The following SMAD2 variants were observed in gnomAD, a reference collection of about 807,000 sequenced individuals.
SMAD2 encodes the protein SMAD family member 2, also known as MAD homolog 2.
In SMAD2, 8 loss-of-function variants were observed where a neutral mutation model predicts 64.4. The observed-to-expected ratio is 0.12, with a 90% CI of 0.07 to 0.22. The LOEUF (loss-of-function observed/expected upper bound fraction) is 0.22. Among genes scored for constraint, SMAD2 ranks in the 10% least tolerant of loss-of-function variants. The probability of loss-of-function intolerance (pLI) is 1.00; values close to 1 mark genes in which losing one functional copy is unlikely to be tolerated. For missense variants in SMAD2, 289 were observed against 561.2 expected, an observed-to-expected ratio of 0.51 and a Z score of 4.90; for synonymous variants, 203 against 195.8, an observed-to-expected ratio of 1.04 and a Z score of -0.31.
At position 47,880,114 on chromosome 18, in the gene SMAD2, T is replaced by C. The variant is rs555955528; in HGVS notation, c.237-9550A>G. 3.3e-5 allele frequency among the ~76,000 whole-genome samples: 5 copies of C among 152,330 alleles called. No homozygotes were observed. In the East Asian group the frequency reaches 5.8e-4, roughly 18 times the overall value. ...AAATATTTTCTCCCACTCTGACTTA[T>C]TTTTTAACAATGTATTTTAATAATA... On this transcript the variant is annotated intron_variant, in intron 2 of 10. Transcript: ENST00000262160.
chr18:47,848,098 T>C (rs1914701907), intron 8 of SMAD2, among the ~76,000 whole-genome samples: 2 of 151,814 alleles, frequency 1.3e-5, no homozygotes, highest in South Asian at 2.1e-4. Context: ...CTGGGAGCTA[T>C]ATAAAGAAAC....
chr18:47,904,830 C>A (rs1214513060), intron 1 of SMAD2, among the ~76,000 whole-genome samples: 1 of 152,168 alleles, frequency 6.6e-6, no homozygotes, highest in Non-Finnish European at 1.5e-5. Context: ...CAACACTCAT[C>A]TATAATTTAA....
chr18:47,885,197 C>A (rs28683114), intron 2 of SMAD2, among the ~76,000 whole-genome samples: 2,211 of 149,216 alleles, frequency 0.015, 69 homozygotes, highest in African/African-American at 0.052. Flanking sequence ...ACCCTCCCCC[C>A]CCAAGACAGT....
chr18:47,832,904 G>C lies in SMAD2; in HGVS notation c.*8923C>G, dbSNP rs1226036997. On this transcript the variant is annotated 3_prime_UTR_variant, in exon 11 of 11. Transcript: ENST00000262160. ...TATAAATTTATCTCCCGGGGGGATA[G>C]GATAATCTTTTATGTAACACCAAAT... The C allele has an allele frequency of 1.3e-5, 2 of 157,306 alleles. No individual in the cohort carries two copies. Among genetic ancestry groups the C allele is most frequent in the Non-Finnish European group, 2.8e-5 (2 of 71,154 alleles). The allele number at this position is 157,306 out of a possible 1,614,324, so 9.7% of individuals were successfully genotyped here. A position where few individuals can be genotyped will look rare whatever the true frequency, so the allele number is the denominator to read the frequency against.
chr18:47,850,395 ATT>A (rs1491465896), intron 7 of SMAD2, among the ~76,000 whole-genome samples: 1 of 21,254 alleles, frequency 4.7e-5, no homozygotes, highest in Non-Finnish European at 6.6e-5. Flanking sequence ...TATAATATAT[ATT>A]ATATATTATG....
intron 2 of SMAD2, among the ~76,000 whole-genome samples, chr18:47,871,835 A>G (rs1282810414): frequency 6.6e-6 from 1 of 152,006 alleles, no homozygotes; most frequent in African/African-American, 2.4e-5. Context: ...AACATATAGC[A>G]TGATGTAGTT....
rs1354709656 is a variant in SMAD2, at chr18:47,870,312, T to A, written c.326+163A>T. Among the ~76,000 whole-genome samples, 3 of 152,210 alleles carry A rather than the reference T, an allele frequency of 2.0e-5. No homozygotes were observed. The South Asian group carries it at 6.2e-4, about 31-fold the overall frequency. ...TTAAAACATCAGCTGAAACATTTAA[T>A]ATATTTTTTATACTGGCAAGCAGAT... is the stretch of plus-strand genomic sequence containing the variant. On this transcript the variant is annotated intron_variant, in intron 3 of 10. Coordinates refer to ENST00000262160, the MANE Select transcript of SMAD2 (RefSeq NM_005901.6).
intron 7 of SMAD2, among the ~76,000 whole-genome samples, chr18:47,850,248 ATATATATT>A: frequency 1.3e-5 from 1 of 75,524 alleles, no homozygotes; most frequent in South Asian, 3.3e-4. Context: ...ATTATATATT[ATATATATT>A]ATGTATAATA....
chr18:47,926,231 T>C (rs1457708883), intron 1 of SMAD2, among the ~76,000 whole-genome samples: 2 of 152,218 alleles, frequency 1.3e-5, no homozygotes, highest in Non-Finnish European at 2.9e-5. Context: ...TAGCACAATC[T>C]TCAACCCCTT....
chr18:47,888,832 G>C (rs1047256500), intron 2 of SMAD2, among the ~76,000 whole-genome samples: 6 of 152,144 alleles, frequency 3.9e-5, no homozygotes, highest in Admixed American at 6.5e-5. Flanking sequence ...AGAAAGAAAA[G>C]AATGGACAAT....
rs8671 is a variant in SMAD2, at chr18:47,833,293, T to A, written c.*8534A>T. The A allele has an allele frequency of 0.42, 90,264 of 216,248 alleles. 19,917 individuals carry two copies. Among genetic ancestry groups the A allele is most frequent in the East Asian group, 0.57 (8,404 of 14,644 alleles). 13.4% of individuals were successfully genotyped at this position (216,248 alleles called of 1,614,324 possible). A position where few individuals can be genotyped will look rare whatever the true frequency, so the allele number is the denominator to read the frequency against. On this transcript the variant is annotated 3_prime_UTR_variant, in exon 11 of 11. Coordinates refer to ENST00000262160, the MANE Select transcript of SMAD2 (RefSeq NM_005901.6). ...AGCAATGTTTTCTTAAGCAGAACTT[T>A]TTTTGTACTTTAAATAGACTAAAAT...
Position 47,896,457 on chromosome 18 carries a change from T to C in SMAD2, c.236+64A>G, listed in dbSNP as rs568009143. ...CAGGCAACTTGAAAGGAACACAAAT[T>C]CAGTAACTTTCCTTCAGATTCCTTG... On this transcript the variant is annotated intron_variant, in intron 2 of 10. Transcript: ENST00000262160. The C allele has an allele frequency of 2.4e-4, 376 of 1,537,162 alleles. 1 individual carries two copies. The highest frequency in any genetic ancestry group is 6.8e-4 in the Middle Eastern group (4 of 5,876).
chr18:47,854,272 T>C (rs1441631085), intron 6 of SMAD2, among the ~76,000 whole-genome samples: 1 of 152,202 alleles, frequency 6.6e-6, no homozygotes, highest in African/African-American at 2.4e-5. Context: ...GAAATCCCTG[T>C]GCATGTATCT....
chr18:47,863,371 T>C (rs1438432396), intron 6 of SMAD2, among the ~76,000 whole-genome samples: 3 of 152,192 alleles, frequency 2.0e-5, no homozygotes, highest in Non-Finnish European at 2.9e-5. Context: ...ACAGAAATAT[T>C]AGGTTGGGTT....
intron 2 of SMAD2, among the ~76,000 whole-genome samples, chr18:47,887,257 G>A (rs958578748): frequency 7.2e-5 from 11 of 152,178 alleles, no homozygotes; most frequent in African/African-American, 2.7e-4. Flanking sequence ...TTAAAATCCA[G>A]CCACAGCAAA....
rs547209827 is a variant in SMAD2, at chr18:47,835,874, C to T, written c.*5953G>A. Reference sequence around the variant, plus strand: ...ATTTGGAGAAACTAAGAGCTGTTAACTGTTTGGAGGGTAAAAGAATACTTT... The same window carrying T: ...ATTTGGAGAAACTAAGAGCTGTTAATTGTTTGGAGGGTAAAAGAATACTTT... On this transcript the variant is annotated 3_prime_UTR_variant, in exon 11 of 11. Coordinates refer to ENST00000262160, the MANE Select transcript of SMAD2 (RefSeq NM_005901.6). 4.0e-4 allele frequency: 82 copies of T among 203,152 alleles called. No individual in the cohort carries two copies. The highest frequency in any genetic ancestry group is 6.2e-4 in the Non-Finnish European group (61 of 98,942). The allele number at this position is 203,152 out of a possible 1,614,324, so 12.6% of individuals were successfully genotyped here.
intron 6 of SMAD2, among the ~76,000 whole-genome samples, chr18:47,859,160 T>C (rs1269130600): frequency 6.6e-6 from 1 of 152,154 alleles, no homozygotes; most frequent in Non-Finnish European, 1.5e-5. Context: ...TCCAAATGTG[T>C]ATCATCTAAT....
Position 47,864,963 on chromosome 18 carries a change from T to G in SMAD2, c.730+96A>C. 3 of 766,906 alleles carry G rather than the reference T, an allele frequency of 3.9e-6. No individual in the cohort carries two copies. The South Asian group carries it at 4.4e-5, about 11-fold the overall frequency. The allele number at this position is 766,906 out of a possible 1,614,324, so 47.5% of individuals were successfully genotyped here. On this transcript the variant is annotated intron_variant, in intron 6 of 10. Coordinates refer to ENST00000262160, the MANE Select transcript of SMAD2 (RefSeq NM_005901.6). ...CATCTTTTTTGGTATGCGTCTCAAC[T>G]TCTCTAAATTTAAGAGTAACATCTT...
intron 1 of SMAD2, among the ~76,000 whole-genome samples, chr18:47,919,473 C>T (rs1180675516): frequency 1.1e-3 from 4 of 3,584 alleles, no homozygotes; most frequent in Non-Finnish European, 2.8e-3. Flanking sequence ...AAAAAATACA[C>T]ACACACACAC....
Sources: allele counts gnomAD v4.1 joint callset (sites outside exome capture counted in the v4.1 genomes callset), GRCh38; gene constraint gnomAD v4.1.1; transcripts MANE v1.5; gene names NCBI Gene and HGNC (gene_info 2026-07-23, HGNC 2026-07-21).